The following CNTN4 variants were observed in gnomAD, a reference collection of about 807,000 sequenced individuals.
The protein encoded by CNTN4 is contactin-4.
Under a neutral mutation model 122.5 loss-of-function variants are expected in CNTN4, and 77 were observed. The observed-to-expected ratio is 0.63, with a 90% CI of 0.52 to 0.76. CNTN4 has a LOEUF of 0.76. Among genes scored for constraint, CNTN4 ranks in the 30% least tolerant of loss-of-function variants. CNTN4 has a pLI of 0.00. For missense variants in CNTN4, 1,256 were observed against 1,259.1 expected (o/e 1.00, Z 0.04); for synonymous variants, 512 against 447.0 (o/e 1.15, Z -1.83).
intron 4 of CNTN4, among the ~76,000 whole-genome samples, chr3:2,583,482 T>C (rs992257774): frequency 6.6e-5 from 10 of 152,356 alleles, no homozygotes; most frequent in African/African-American, 2.4e-4. Flanking sequence ...TCTAGTTACA[T>C]TATAACATGT....
At chr3:2,578,932 A>G (rs1298564034) in intron 4 of CNTN4, among the ~76,000 whole-genome samples, 1 of 152,210 alleles carries the variant, frequency 6.6e-6, no homozygotes, top group Non-Finnish European at 1.5e-5. Context: ...CAAATGCAAA[A>G]CTTCTTTTCA....
intron 3 of CNTN4, among the ~76,000 whole-genome samples, chr3:2,382,792 G>A (rs1195323842): frequency 1.3e-5 from 2 of 152,178 alleles, no homozygotes; most frequent in Non-Finnish European, 2.9e-5. Context: ...GTAAGATAAA[G>A]GCCAGGCCTG....
At chr3:2,535,212 G>A (rs1359509119) in intron 3 of CNTN4, among the ~76,000 whole-genome samples, 1 of 152,060 alleles carries the variant, frequency 6.6e-6, no homozygotes, top group African/African-American at 2.4e-5. Context: ...CAAGTTTATT[G>A]GTAGTCTTTA....
intron 4 of CNTN4, among the ~76,000 whole-genome samples, chr3:2,710,946 G>A (rs551296203): frequency 6.6e-6 from 1 of 152,312 alleles, no homozygotes; most frequent in Non-Finnish European, 1.5e-5. Context: ...AAGCAGAGAA[G>A]TCAGCTTTAT....
intron 14 of CNTN4, chr3:3,009,110 T>A: frequency 2.5e-6 from 2 of 813,738 alleles, no homozygotes; most frequent in Non-Finnish European, 3.0e-6. Flanking sequence ...TGCCTTGCCC[T>A]GGCATGACTG....
chr3:2,187,740 T>G (rs2037341724), intron 2 of CNTN4, among the ~76,000 whole-genome samples: 1 of 152,128 alleles, frequency 6.6e-6, no homozygotes, highest in Non-Finnish European at 1.5e-5. Context: ...AGGACCACCT[T>G]ATGCCGCTAG....
At chr3:2,340,228 A>G (rs1405432833) in intron 3 of CNTN4, among the ~76,000 whole-genome samples, 1 of 152,214 alleles carries the variant, frequency 6.6e-6, no homozygotes, top group Non-Finnish European at 1.5e-5. Flanking sequence ...AAGAGAGTCT[A>G]GTGAAATTAA....
intron 10 of CNTN4, among the ~76,000 whole-genome samples, chr3:2,888,519 A>G (rs1264571632): frequency 6.6e-6 from 1 of 152,132 alleles, no homozygotes; most frequent in Non-Finnish European, 1.5e-5. Flanking sequence ...TCACAGGGCC[A>G]AAACCTCCAC....
At chr3:2,521,376 C>A (rs1244818370) in intron 3 of CNTN4, among the ~76,000 whole-genome samples, 1 of 121,814 alleles carries the variant, frequency 8.2e-6, no homozygotes, top group Admixed American at 1.0e-4. Flanking sequence ...TCACTCATTT[C>A]TCAGGTGTTT....
intron 4 of CNTN4, among the ~76,000 whole-genome samples, chr3:2,666,069 G>A (rs1466389520): frequency 2.0e-5 from 3 of 152,174 alleles, no homozygotes; most frequent in South Asian, 2.1e-4. Context: ...AGTTGTCTAC[G>A]CAGCATGCAG....
intron 2 of CNTN4, among the ~76,000 whole-genome samples, chr3:2,277,050 A>T (rs1319716376): frequency 2.0e-5 from 3 of 152,186 alleles, no homozygotes; most frequent in African/African-American, 4.8e-5. Context: ...AGGCAACAAG[A>T]TTGAGAAAAA....
chr3:2,704,296 C>T (rs1182164355), intron 4 of CNTN4, among the ~76,000 whole-genome samples: 3 of 69,510 alleles, frequency 4.3e-5, no homozygotes, highest in Non-Finnish European at 8.0e-5. Context: ...GACTTCATTT[C>T]AAAAAAAAAA....
chr3:2,326,276 A>C (rs1291107899), intron 2 of CNTN4, among the ~76,000 whole-genome samples: 1 of 152,152 alleles, frequency 6.6e-6, no homozygotes, highest in Non-Finnish European at 1.5e-5. Flanking sequence ...TTCAGATTGA[A>C]ACTGAAACAT....
In CNTN4 at chr3:2,508,335, G is replaced by T. The variant is rs2076791642; in HGVS notation, c.-88-63081G>T. Among the ~76,000 whole-genome samples the T allele has an allele frequency of 1.3e-5, 2 of 152,190 alleles. 1 individual carries two copies. The highest frequency in any genetic ancestry group is 4.1e-4 in the South Asian group (2 of 4,824). On this transcript the variant is annotated intron_variant, in intron 3 of 24. Coordinates refer to ENST00000418658, the MANE Select transcript of CNTN4 (RefSeq NM_175607.3). ...CACAGTTGTCTCAGCTTTTGACTCTGACTTTTAGTGAGAGATGCAAGGAAT... is the reference window on the plus strand; with the variant it reads ...CACAGTTGTCTCAGCTTTTGACTCTTACTTTTAGTGAGAGATGCAAGGAAT...
intron 2 of CNTN4, among the ~76,000 whole-genome samples, chr3:2,198,744 T>C (rs1391121729): frequency 2.6e-5 from 4 of 152,186 alleles, no homozygotes; most frequent in Admixed American, 6.5e-5. Context: ...CAAAGCTATT[T>C]CTTTTTCAGG....
At chr3:2,664,601 C>G (rs1286759402) in intron 4 of CNTN4, among the ~76,000 whole-genome samples, 1 of 152,138 alleles carries the variant, frequency 6.6e-6, no homozygotes, top group African/African-American at 2.4e-5. Context: ...GACTTTCAGC[C>G]ATGCCTGGGA....
chr3:2,326,652 C>G (rs2043477560), intron 2 of CNTN4, among the ~76,000 whole-genome samples: 1 of 152,112 alleles, frequency 6.6e-6, no homozygotes, highest in African/African-American at 2.4e-5. Flanking sequence ...AGAACTCATT[C>G]CTTCTGGTCA....
intron 6 of CNTN4, among the ~76,000 whole-genome samples, chr3:2,782,465 C>CTCTG (rs1553638510): frequency 7.5e-6 from 1 of 133,212 alleles, no homozygotes; most frequent in African/African-American, 2.9e-5. Context: ...CCTTCTTATT[C>CTCTG]TGTGTGTGTG....
At chr3:2,244,831 G>A (rs1189169032) in intron 2 of CNTN4, among the ~76,000 whole-genome samples, 1 of 152,024 alleles carries the variant, frequency 6.6e-6, no homozygotes, top group African/African-American at 2.4e-5. Context: ...GATTGCTCAA[G>A]GGCTTGTGCT....
Sources: allele counts gnomAD v4.1 joint callset (sites outside exome capture counted in the v4.1 genomes callset), GRCh38; gene constraint gnomAD v4.1.1; transcripts MANE v1.5; gene names NCBI Gene and HGNC (gene_info 2026-07-23, HGNC 2026-07-21).